Variants in MROH2B observed in about 807,000 individuals in gnomAD.
The protein encoded by MROH2B is maestro heat-like repeat-containing protein family member 2B.
Under a neutral mutation model 208.6 loss-of-function variants are expected in MROH2B, and 177 were observed. The observed-to-expected ratio is 0.85, with a 90% confidence interval of 0.75 to 0.96. The LOEUF (loss-of-function observed/expected upper bound fraction) is 0.96. Ranked by LOEUF, MROH2B falls within the 40% of genes least tolerant of loss-of-function variation. The pLI is 0.00. For synonymous variants in MROH2B, 728 were observed against 659.0 expected (o/e 1.10, Z -1.60); for missense variants, 2,002 against 1,878.7 (o/e 1.07, Z -1.21).
intron 21 of MROH2B, among the ~76,000 whole-genome samples, chr5:41,034,881 T>C (rs1406172824): frequency 2.0e-5 from 3 of 151,996 alleles, no homozygotes; most frequent in African/African-American, 4.8e-5. Flanking sequence ...TACCTAGGGA[T>C]ACAGTTAACT....
At chr5:41,026,655 A>G (rs902459408) in intron 24 of MROH2B, among the ~76,000 whole-genome samples, 35 of 152,174 alleles carry the variant, frequency 2.3e-4, no homozygotes, top group Middle Eastern at 3.2e-3. Context: ...CAAGCTACCC[A>G]TGACTTTCTT....
At chr5:41,037,346 T>C (rs893335858) in intron 21 of MROH2B, among the ~76,000 whole-genome samples, 1 of 152,240 alleles carries the variant, frequency 6.6e-6, no homozygotes, top group African/African-American at 2.4e-5. Flanking sequence ...AATTTTATTA[T>C]GTTTTCTATT....
chr5:41,054,389 G>T (rs1743380554), intron 11 of MROH2B, among the ~76,000 whole-genome samples: 1 of 152,042 alleles, frequency 6.6e-6, no homozygotes, highest in Admixed American at 6.6e-5. Flanking sequence ...CAAGGTTTAG[G>T]GATTAATATT....
At position 41,052,415 on chromosome 5, in the gene MROH2B, C is replaced by T. The variant is rs201041083; in HGVS notation, c.1230+50G>A. The T allele has an allele frequency of 4.7e-5, 70 of 1,476,062 alleles. No individual in the cohort carries two copies. In the East Asian group the frequency reaches 8.6e-4, roughly 18 times the overall value. The allele number at this position is 1,476,062 out of a possible 1,614,324, so 91.4% of individuals were successfully genotyped here. On this transcript the variant is annotated intron_variant, in intron 12 of 41. Transcript: ENST00000399564. ...TTTTTTAAAAAGAAACATAGTTGAGCGAACTGTACTTTTTATAGTGCATCA... is the reference window on the plus strand; with the variant it reads ...TTTTTTAAAAAGAAACATAGTTGAGTGAACTGTACTTTTTATAGTGCATCA...
chr5:41,046,780 A>G (rs1743134462), intron 17 of MROH2B, among the ~76,000 whole-genome samples: 1 of 152,216 alleles, frequency 6.6e-6, no homozygotes, highest in Admixed American at 6.5e-5. Context: ...AGCAGAAGGA[A>G]ATCTGGTAGG....
At chr5:41,047,878 C>A in intron 16 of MROH2B, 114 bp from the exon 17 acceptor site, 1 of 862,348 alleles carries the variant, frequency 1.2e-6, no homozygotes, top group South Asian at 1.6e-5. Flanking sequence ...TTTCTTTTTG[C>A]TCATAATGCT....
chr5:41,048,207 C>T lies in MROH2B; in HGVS notation c.1684+117G>A, dbSNP rs567983780. 1.0e-4 allele frequency: 132 copies of T among 1,268,982 alleles called. No homozygotes were observed. In the East Asian group the frequency reaches 2.5e-3, roughly 24 times the overall value. 78.6% of individuals were successfully genotyped at this position (1,268,982 alleles called of 1,614,324 possible). A position where few individuals can be genotyped will look rare whatever the true frequency, so the allele number is the denominator to read the frequency against. On this transcript the variant is annotated intron_variant, in intron 16 of 41. Coordinates refer to ENST00000399564, the MANE Select transcript of MROH2B (RefSeq NM_173489.5). Reference sequence around the variant, plus strand: ...AAAAATAGCTATCTACCTTGCATATCAAGTTCATCATTTTTATTGCCTAAA... The same window carrying T: ...AAAAATAGCTATCTACCTTGCATATTAAGTTCATCATTTTTATTGCCTAAA...
At chr5:41,021,551 A>G (rs1360313395) in intron 24 of MROH2B, among the ~76,000 whole-genome samples, 1 of 152,212 alleles carries the variant, frequency 6.6e-6, no homozygotes, top group African/African-American at 2.4e-5. Flanking sequence ...TTACAAAAGC[A>G]CAGTAATCAA....
At chr5:41,011,883 G>A (rs1741784282) in intron 30 of MROH2B, among the ~76,000 whole-genome samples, 1 of 152,116 alleles carries the variant, frequency 6.6e-6, no homozygotes. Context: ...GCTCAGGCTG[G>A]TCTCAAACTC....
chr5:41,039,443 C>G lies in MROH2B; in HGVS notation c.2061+5G>C, dbSNP rs776893546. ...TGAGAATTTGAAGGAGATGATTCTT[C>G]TTACCTTACATCGATTCATGAAAAA... On this transcript the variant is annotated splice_donor_5th_base_variant and intron_variant, in intron 20 of 41. Transcript: ENST00000399564. 6.5e-7 allele frequency: 1 copy of G among 1,537,772 alleles called. No homozygotes were observed. The highest frequency in any genetic ancestry group is 1.2e-5 in the South Asian group (1 of 84,368).
Position 41,017,925 on chromosome 5 carries a change from G to A in MROH2B, c.2809C>T (p.Pro937Ser). 6.3e-7 allele frequency: 1 copy of A among 1,583,702 alleles called. No individual in the cohort carries two copies. Among genetic ancestry groups the A allele is most frequent in the Non-Finnish European group, 8.6e-7 (1 of 1,163,934 alleles). ...GTGGGCAGGGTATCACAGGAGTGAG[G>A]AGCCAGAAGTCCAAGCAGTGAACCA... ...KIGSLLGLLA[P>S]HSCDTLPTIR... Residue 937 changes from proline to serine, a missense_variant, in exon 28 of 42, where the codon CCT (proline) becomes TCT (serine). Transcript: ENST00000399564.
At chr5:41,065,923 C>T (rs1743799023) in intron 3 of MROH2B, among the ~76,000 whole-genome samples, 1 of 152,130 alleles carries the variant, frequency 6.6e-6, no homozygotes, top group African/African-American at 2.4e-5. Context: ...CAGGCTGTTA[C>T]AAAACCATAG....
At chr5:41,057,724 T>G (rs1743507763) in intron 7 of MROH2B, among the ~76,000 whole-genome samples, 1 of 151,560 alleles carries the variant, frequency 6.6e-6, no homozygotes. Flanking sequence ...GCCCGGCTAA[T>G]TTTTGCATTT....
chr5:41,017,945 G>T lies in MROH2B; in HGVS notation c.2789C>A (p.Ser930Ter). 1 of 1,578,622 alleles carries T rather than the reference G, an allele frequency of 6.3e-7. No individual in the cohort carries two copies. The highest frequency in any genetic ancestry group is 1.2e-5 in the South Asian group (1 of 86,122). The change falls in exon 28 of 42, where the codon TCA becomes TAA. Residue 930 changes from serine (S) to a stop codon, truncating the protein, a stop_gained. Transcript: ENST00000399564. LOFTEE classifies it high-confidence loss of function. ...GTGAGGAGCCAGAAGTCCAAGCAGT[G>T]AACCAATTTTAAAGTTCTCTGGTGC... ...IEAPENFKIG[S>*]LLGLLAPHSC...
chr5:41,027,965 A>T (rs2150163842), intron 24 of MROH2B, among the ~76,000 whole-genome samples: 1 of 150,760 alleles, frequency 6.6e-6, no homozygotes, highest in Admixed American at 6.6e-5. Flanking sequence ...GCTTGTTCTC[A>T]CTCACAGGTG....
chr5:41,026,668 T>A (rs999416400), intron 24 of MROH2B, among the ~76,000 whole-genome samples: 2 of 152,038 alleles, frequency 1.3e-5, no homozygotes, highest in Admixed American at 1.3e-4. Context: ...ACTTTCTTCA[T>A]AGAATTGGGA....
intron 19 of MROH2B, 48 bp downstream of exon 19, chr5:41,042,044 G>A: frequency 4.8e-6 from 5 of 1,050,194 alleles, no homozygotes; most frequent in Non-Finnish European, 5.8e-6. Flanking sequence ...GATAGGATTA[G>A]TTGTGTTGTT....
chr5:41,005,283 G>C (rs1579900938), intron 35 of MROH2B: 2 of 541,798 alleles, frequency 3.7e-6, no homozygotes, highest in East Asian at 5.8e-5. Context: ...ATCCCTCACA[G>C]ATTTATTGTC....
intron 24 of MROH2B, among the ~76,000 whole-genome samples, chr5:41,028,404 G>A (rs1175810520): frequency 6.6e-6 from 1 of 152,000 alleles, no homozygotes; most frequent in Non-Finnish European, 1.5e-5. Context: ...TAAATCTTTA[G>A]ACTTATTCAT....
Sources: gnomAD v4.1 joint callset for allele counts (sites outside exome capture counted in the v4.1 genomes callset) on GRCh38, gnomAD v4.1.1 for gene constraint, MANE v1.5 for transcripts, NCBI Gene and HGNC (gene_info 2026-07-23, HGNC 2026-07-21) for gene names.